Variants in EFHC2 observed in about 807,000 individuals in gnomAD.
The protein encoded by EFHC2 is EF-hand domain containing 2.
EFHC2 carries 18 observed loss-of-function variants against 52.7 expected under a neutral mutation model. That is an observed-to-expected ratio of 0.34 (90% confidence interval 0.24 to 0.51). The LOEUF is 0.51. Among genes scored for constraint, EFHC2 ranks in the 20% least tolerant of loss-of-function variants. The probability of loss-of-function intolerance (pLI) is 0.97; values close to 1 mark genes in which losing one functional copy is unlikely to be tolerated. For synonymous variants in EFHC2, 203 were observed against 204.1 expected (o/e 0.99, Z 0.04); for missense variants, 513 against 562.5 (o/e 0.91, Z 0.89).
intron 2 of EFHC2, among the ~76,000 whole-genome samples, chrX:44,303,783 TGTAA>T (rs1416745467): frequency 8.9e-6 from 1 of 111,937 alleles, no homozygotes; most frequent in Non-Finnish European, 1.9e-5. Flanking sequence ...TGTCAATTAA[TGTAA>T]GTGATTAAAA....
chrX:44,149,757 A>G lies in EFHC2; in HGVS notation c.2149-861T>C, dbSNP rs1317328453. Among the ~76,000 whole-genome samples, 33 of 111,895 alleles carry G rather than the reference A, an allele frequency of 2.9e-4. No individual in the cohort carries two copies. In the Admixed American group the frequency reaches 3.1e-3, roughly 11 times the overall value. On this transcript the variant is annotated intron_variant, in intron 14 of 14. Coordinates refer to ENST00000420999, the MANE Select transcript of EFHC2 (RefSeq NM_025184.4). ...GGTCTCAAACTCCCGGCTTCAAGTT[A>G]TATGTCCACCTCAGCCTCCCAAAGT... is the stretch of plus-strand genomic sequence containing the variant.
intron 1 of EFHC2, among the ~76,000 whole-genome samples, chrX:44,342,360 C>A (rs1378695842): frequency 8.9e-6 from 1 of 112,241 alleles, no homozygotes; most frequent in Non-Finnish European, 1.9e-5. Context: ...ACACAATTGC[C>A]TTGAGTGGCT....
At chrX:44,230,248 G>A (rs922747066) in intron 10 of EFHC2, among the ~76,000 whole-genome samples, 2 of 111,537 alleles carry the variant, frequency 1.8e-5, no homozygotes, top group Non-Finnish European at 3.8e-5. Context: ...AAAGATCCAC[G>A]CAAGCACCCT....
intron 2 of EFHC2, among the ~76,000 whole-genome samples, chrX:44,281,841 G>A (rs1437147152): frequency 9.0e-6 from 1 of 111,031 alleles, no homozygotes; most frequent in Non-Finnish European, 1.9e-5. Context: ...TCATGAGAGG[G>A]TCAACAAATA....
At chrX:44,290,334 T>C (rs757251367) in intron 2 of EFHC2, among the ~76,000 whole-genome samples, 12 of 112,069 alleles carry the variant, frequency 1.1e-4, no homozygotes, top group African/African-American at 3.6e-4. Context: ...AATAATATTT[T>C]TAATTTGCTT....
chrX:44,318,667 T>G (rs1885293), intron 1 of EFHC2, among the ~76,000 whole-genome samples: 18,022 of 111,395 alleles, frequency 0.16, 1,208 homozygotes, highest in African/African-American at 0.25. Context: ...CCCTTCGTCG[T>G]GTACATGCAC....
chrX:44,169,635 A>G (rs1045518046), intron 13 of EFHC2, among the ~76,000 whole-genome samples: 1 of 109,989 alleles, frequency 9.1e-6, no homozygotes, highest in Non-Finnish European at 1.9e-5. Flanking sequence ...TAATTAATAG[A>G]AAGTTTCTCA....
chrX:44,252,091 T>C (rs1189436929), intron 4 of EFHC2, among the ~76,000 whole-genome samples: 2 of 111,843 alleles, frequency 1.8e-5, no homozygotes, highest in Non-Finnish European at 3.8e-5. Context: ...AGGATAAGAA[T>C]GCCCCGGAGA....
At chrX:44,308,412 A>G (rs960830109) in intron 2 of EFHC2, among the ~76,000 whole-genome samples, 2 of 111,056 alleles carry the variant, frequency 1.8e-5, no homozygotes, top group African/African-American at 6.5e-5. Context: ...ATATTCTTGT[A>G]TTAAAAGAAA....
In EFHC2 at chrX:44,281,106, G is replaced by A. The variant is rs777131081; in HGVS notation, c.232-8270C>T. On this transcript the variant is annotated intron_variant, in intron 2 of 14. Transcript: ENST00000420999. Reference sequence around the variant, plus strand: ...GGCTAATTTTTGTATTTTTAGTAGAGACAGAGTTTCACCATGTTGGCCAGG... The same window carrying A: ...GGCTAATTTTTGTATTTTTAGTAGAAACAGAGTTTCACCATGTTGGCCAGG... Among the ~76,000 whole-genome samples, 3 of 111,297 alleles carry A rather than the reference G, an allele frequency of 2.7e-5. No individual in the cohort carries two copies. In the Admixed American group the frequency reaches 2.9e-4, roughly 11 times the overall value.
At position 44,187,135 on chromosome X, in the gene EFHC2, G is replaced by GTATATATATATA. The variant is rs746801274; in HGVS notation, c.1752-8583_1752-8572dup. On this transcript the variant is annotated intron_variant, in intron 11 of 14. Transcript: ENST00000420999. Reference sequence around the variant, plus strand: ...CCATGTCTCAAAGGAAAACAAAATGGTATATATATATATATATGGGCTTTA... The same window carrying GTATATATATATA: ...CCATGTCTCAAAGGAAAACAAAATGGTATATATATATATATATATATATATATATGGGCTTTA... 3.5e-3 allele frequency among the ~76,000 whole-genome samples: 216 copies of GTATATATATATA among 61,741 alleles called. 24 individuals are homozygous for GTATATATATATA. The highest frequency in any genetic ancestry group is 0.014 in the African/African-American group (173 of 12,152). The allele number at this position is 61,741 out of a possible 115,157, so 53.6% of individuals were successfully genotyped here.
chrX:44,160,367 G>C (rs1363150103), intron 14 of EFHC2, among the ~76,000 whole-genome samples: 1 of 111,010 alleles, frequency 9.0e-6, no homozygotes, highest in Non-Finnish European at 1.9e-5. Context: ...AAGAAAGGAA[G>C]AGAGAAATGA....
chrX:44,206,574 G>A (rs903763136), intron 11 of EFHC2, among the ~76,000 whole-genome samples: 15 of 111,577 alleles, frequency 1.3e-4, no homozygotes, highest in African/African-American at 4.9e-4. Context: ...TAACATTCAA[G>A]CTGAGAACCA....
chrX:44,245,972 G>GGAT (rs1464320405), intron 7 of EFHC2, among the ~76,000 whole-genome samples: 2 of 111,397 alleles, frequency 1.8e-5, no homozygotes, highest in African/African-American at 6.5e-5. Flanking sequence ...CTTCCTGCGT[G>GGAT]CTGCACAGTG....
At position 44,234,408 on chromosome X, in the gene EFHC2, A is replaced by G. The variant is rs999982926; in HGVS notation, c.1423+897T>C. Among the ~76,000 whole-genome samples, 11 of 112,191 alleles carry G rather than the reference A, an allele frequency of 9.8e-5. No individual in the cohort carries two copies. In the East Asian group the frequency reaches 3.1e-3, roughly 31 times the overall value. ...TTTTAAGATTTGATCCATTATTCAA[A>G]TCACTCTGGAGCCTTAGTTATACAA... On this transcript the variant is annotated intron_variant, in intron 9 of 14. Transcript: ENST00000420999.
At chrX:44,176,423 G>A in intron 12 of EFHC2, 39 bp from the exon 13 acceptor site, 1 of 933,507 alleles carries the variant, frequency 1.1e-6, no homozygotes, top group Non-Finnish European at 1.5e-6. Context: ...TATATACCTT[G>A]TATACCTTTA....
chrX:44,168,388 T>C lies in EFHC2; in HGVS notation c.2043-4361A>G, dbSNP rs368458465. Among the ~76,000 whole-genome samples, 1,058 of 110,562 alleles carry C rather than the reference T, an allele frequency of 9.6e-3. 16 individuals carry two copies. The highest frequency in any genetic ancestry group is 0.031 in the African/African-American group (940 of 30,360). ...TCTACTAAAAATACAAAAAATTAGC[T>C]GGGCGTGTTGGTGGGCACCTGTAGT... On this transcript the variant is annotated intron_variant, in intron 13 of 14. Transcript: ENST00000420999.
intron 11 of EFHC2, among the ~76,000 whole-genome samples, chrX:44,212,836 G>A (rs759756359): frequency 5.4e-5 from 6 of 110,128 alleles, no homozygotes; most frequent in South Asian, 4.0e-4. Context: ...CTCAGCCTCC[G>A]GAGTAGCTGG....
At chrX:44,202,977 G>A (rs1312640855) in intron 11 of EFHC2, among the ~76,000 whole-genome samples, 1 of 111,129 alleles carries the variant, frequency 9.0e-6, no homozygotes, top group Non-Finnish European at 1.9e-5. Context: ...CCCAGTAACT[G>A]TTGGAGATGC....
Sources: allele counts gnomAD v4.1 joint callset (sites outside exome capture counted in the v4.1 genomes callset), GRCh38; gene constraint gnomAD v4.1.1; transcripts MANE v1.5; gene names NCBI Gene and HGNC (gene_info 2026-07-23, HGNC 2026-07-21).